Variants in OR1F1 observed in about 807,000 individuals in gnomAD.
The protein encoded by OR1F1 is olfactory receptor 1F1.
For missense variants in OR1F1, 493 were observed against 376.3 expected, an observed-to-expected ratio of 1.31 and a Z score of -2.57; for synonymous variants, 184 against 156.7, an observed-to-expected ratio of 1.17 and a Z score of -1.30.
At chr16:3,192,245 A>G in the OR1F1 span, among the ~76,000 whole-genome samples, 1 of 151,948 alleles carries the variant, frequency 6.6e-6, no homozygotes, top group Admixed American at 6.6e-5. Context: ...TTTAGTAGAG[A>G]TGGGGTTTCA....
chr16:3,192,530 T>C, the OR1F1 span, among the ~76,000 whole-genome samples: 2 of 152,198 alleles, frequency 1.3e-5, no homozygotes, highest in East Asian at 1.9e-4. Context: ...GGAAGCCTCA[T>C]TGGTGGGATG....
the OR1F1 span, among the ~76,000 whole-genome samples, chr16:3,193,079 A>G: frequency 6.6e-6 from 1 of 152,042 alleles, no homozygotes; most frequent in Non-Finnish European, 1.5e-5. Flanking sequence ...TGGAGGAGCC[A>G]CCACACCCGG....
chr16:3,192,039 G>T, the OR1F1 span, among the ~76,000 whole-genome samples: 1 of 152,186 alleles, frequency 6.6e-6, no homozygotes, highest in South Asian at 2.1e-4. Context: ...AGAGGTCCCG[G>T]GTTCAAATCC....
the OR1F1 span, among the ~76,000 whole-genome samples, chr16:3,194,916 C>G: frequency 1.3e-5 from 2 of 152,240 alleles, no homozygotes; most frequent in African/African-American, 2.4e-5. Flanking sequence ...AGCCACCGCC[C>G]TTCTTCTGTG....
At chr16:3,204,654 G>A (rs750777004) in exon 1 of OR1F1, 18 of 1,614,020 alleles carry the variant, frequency 1.1e-5, no homozygotes, top group Non-Finnish European at 1.5e-5. Context: ...CAGCAAAGAT[G>A]ACCCATCAGC....
chr16:3,200,634 A>G (rs747111817), upstream of OR1F1, among the ~76,000 whole-genome samples: 1 of 152,208 alleles, frequency 6.6e-6, no homozygotes, highest in Non-Finnish European at 1.5e-5. Context: ...ATAAACAAAC[A>G]AAGAACCAGG....
chr16:3,199,313 A>T (rs932754841), upstream of OR1F1, among the ~76,000 whole-genome samples: 5 of 151,510 alleles, frequency 3.3e-5, no homozygotes, highest in African/African-American at 1.2e-4. Context: ...AAATAATAAT[A>T]ATTATTATGA....
exon 1 of OR1F1, chr16:3,204,761 A>G (rs1463368829): frequency 2.5e-6 from 4 of 1,614,058 alleles, no homozygotes; most frequent in Non-Finnish European, 2.5e-6. Flanking sequence ...TGTGCAGACA[A>G]TGCCATCACT....
downstream of OR1F1, among the ~76,000 whole-genome samples, chr16:3,206,483 A>ATAAT (rs1958211753): frequency 1.3e-5 from 2 of 152,092 alleles, no homozygotes; most frequent in African/African-American, 4.8e-5. Context: ...GTCCTTAATA[A>ATAAT]AAACCTCCTG....
the OR1F1 span, among the ~76,000 whole-genome samples, chr16:3,189,328 G>C: frequency 6.6e-6 from 1 of 152,200 alleles, no homozygotes; most frequent in Non-Finnish European, 1.5e-5. Context: ...CATGTCCTGC[G>C]GAAGCTGGAG....
chr16:3,189,795 A>G, the OR1F1 span: 2 of 152,070 alleles, frequency 1.3e-5, no homozygotes, highest in South Asian at 4.2e-4. Context: ...GACGCCCTGC[A>G]AAGGTAATTT....
upstream of OR1F1, among the ~76,000 whole-genome samples, chr16:3,202,813 T>C (rs182857474): frequency 4.8e-4 from 73 of 152,228 alleles, no homozygotes; most frequent in Middle Eastern, 6.8e-3. Context: ...AGTTTAGTTA[T>C]TACAACCCTA....
At chr16:3,204,509 A>G (rs1958177643) in exon 1 of OR1F1, 1 of 1,614,104 alleles carries the variant, frequency 6.2e-7, no homozygotes, top group Middle Eastern at 1.6e-4. Context: ...CACATACTCG[A>G]GACTCAGACC....
upstream of OR1F1, among the ~76,000 whole-genome samples, chr16:3,201,981 G>C (rs944527883): frequency 6.6e-6 from 1 of 152,210 alleles, no homozygotes; most frequent in Non-Finnish European, 1.5e-5. Context: ...CTATGGGGGA[G>C]CCCTCCTCTG....
upstream of OR1F1, among the ~76,000 whole-genome samples, chr16:3,202,124 C>T (rs187159831): frequency 1.4e-4 from 21 of 152,256 alleles, no homozygotes; most frequent in African/African-American, 3.4e-4. Context: ...CTTTGGGGCT[C>T]GCTTGTCCTG....
upstream of OR1F1, among the ~76,000 whole-genome samples, chr16:3,199,411 G>T (rs868171292): frequency 1.3e-5 from 2 of 152,234 alleles, no homozygotes; most frequent in Admixed American, 6.5e-5. Context: ...AGGAGGCTGA[G>T]GTAAGAGGAT....
chr16:3,196,294 T>C, the OR1F1 span, among the ~76,000 whole-genome samples: 6 of 152,248 alleles, frequency 3.9e-5, no homozygotes, highest in African/African-American at 1.4e-4. Context: ...CTCAGGTCTT[T>C]GCCCAGTGAA....
chr16:3,189,628 T>C, the OR1F1 span: 8 of 152,082 alleles, frequency 5.3e-5, no homozygotes, highest in African/African-American at 1.7e-4. Context: ...AATGCGTAAA[T>C]CGTGTGGCTC....
At chr16:3,191,214 G>A in the OR1F1 span, 1 of 152,192 alleles carries the variant, frequency 6.6e-6, no homozygotes, top group Non-Finnish European at 1.5e-5. Flanking sequence ...TGCAGTGTGG[G>A]TATGTTTTTT....
Sources: allele counts gnomAD v4.1 joint callset (sites outside exome capture counted in the v4.1 genomes callset), GRCh38; gene constraint gnomAD v4.1.1; transcripts MANE v1.5; gene names NCBI Gene and HGNC (gene_info 2026-07-23, HGNC 2026-07-21).